Variants in RNGTT observed in about 807,000 individuals in gnomAD.
RNGTT encodes the protein mRNA-capping enzyme.
A neutral mutation model predicts 79.3 loss-of-function variants in RNGTT; 33 were observed. That is an observed-to-expected ratio of 0.42 (90% CI 0.32 to 0.56). The LOEUF is 0.56. Among genes scored for constraint, RNGTT ranks in the 20% least tolerant of loss-of-function variants. RNGTT has a pLI of 0.17. For synonymous variants in RNGTT, 222 were observed against 235.9 expected, an observed-to-expected ratio of 0.94 and a Z score of 0.54; for missense variants, 497 against 739.1, an observed-to-expected ratio of 0.67 and a Z score of 3.80.
intron 1 of RNGTT, among the ~76,000 whole-genome samples, chr6:88,943,146 C>T (rs1784902531): frequency 6.6e-6 from 1 of 152,150 alleles, no homozygotes; most frequent in African/African-American, 2.4e-5. Context: ...ATTTCCAGTT[C>T]AAATCACTCC....
intron 14 of RNGTT, among the ~76,000 whole-genome samples, chr6:88,626,228 T>C (rs1334114269): frequency 6.6e-6 from 1 of 152,032 alleles, no homozygotes; most frequent in Non-Finnish European, 1.5e-5. Flanking sequence ...ATGTAGAAGC[T>C]GAAGCCAGAG....
chr6:88,809,887 A>G (rs1356005774), intron 11 of RNGTT, among the ~76,000 whole-genome samples: 1 of 152,080 alleles, frequency 6.6e-6, no homozygotes, highest in African/African-American at 2.4e-5. Flanking sequence ...TGTCTCTACA[A>G]AAAATTTAAA....
chr6:88,785,436 T>C (rs1042454393), intron 12 of RNGTT, among the ~76,000 whole-genome samples: 1 of 152,136 alleles, frequency 6.6e-6, no homozygotes, highest in African/African-American at 2.4e-5. Flanking sequence ...TTGCTTTTTC[T>C]TCCTTACACA....
chr6:88,733,683 G>C (rs1289603246), intron 13 of RNGTT, among the ~76,000 whole-genome samples: 1 of 151,700 alleles, frequency 6.6e-6, no homozygotes, highest in Non-Finnish European at 1.5e-5. Flanking sequence ...CAAAGACAAA[G>C]AGAAAACCTT....
chr6:88,940,748 A>T (rs183160396), intron 2 of RNGTT, among the ~76,000 whole-genome samples: 110 of 152,292 alleles, frequency 7.2e-4, no homozygotes, highest in Non-Finnish European at 1.1e-3. Context: ...TATAATCACT[A>T]CCATGAATTT....
chr6:88,890,065 G>A (rs1044315324), intron 8 of RNGTT, among the ~76,000 whole-genome samples: 1 of 152,222 alleles, frequency 6.6e-6, no homozygotes, highest in South Asian at 2.1e-4. Flanking sequence ...AGTATATAAA[G>A]AGAATAAGGC....
intron 13 of RNGTT, among the ~76,000 whole-genome samples, chr6:88,725,311 T>C (rs1335246562): frequency 6.6e-6 from 1 of 152,166 alleles, no homozygotes; most frequent in Non-Finnish European, 1.5e-5. Context: ...TAAAGGATCC[T>C]CATATACTGC....
intron 11 of RNGTT, 62 bp from the exon 12 acceptor site, chr6:88,801,694 C>T: frequency 9.0e-7 from 1 of 1,116,492 alleles, no homozygotes. Context: ...AGTATTTAAA[C>T]TTCTTGCTAA....
At chr6:88,800,479 A>AT (rs1292134606) in intron 12 of RNGTT, among the ~76,000 whole-genome samples, 3 of 152,300 alleles carry the variant, frequency 2.0e-5, no homozygotes, top group Non-Finnish European at 2.9e-5. Context: ...ATGTCTCCAT[A>AT]TATAAATTCT....
At chr6:88,881,140 C>G (rs1480021944) in intron 8 of RNGTT, among the ~76,000 whole-genome samples, 2 of 152,098 alleles carry the variant, frequency 1.3e-5, no homozygotes, top group African/African-American at 4.8e-5. Flanking sequence ...TAGGGAATGT[C>G]AGAAATTCAA....
intron 14 of RNGTT, among the ~76,000 whole-genome samples, chr6:88,628,439 T>C (rs917383808): frequency 2.0e-5 from 3 of 152,158 alleles, no homozygotes; most frequent in African/African-American, 4.8e-5. Flanking sequence ...CTGTATTAAT[T>C]GGTGTGTATG....
At chr6:88,799,265 C>A (rs953989816) in intron 12 of RNGTT, among the ~76,000 whole-genome samples, 2 of 152,044 alleles carry the variant, frequency 1.3e-5, no homozygotes, top group African/African-American at 4.8e-5. Flanking sequence ...AAACTCCTAA[C>A]AAAAATTTCT....
chr6:88,893,656 G>A (rs1055886942), intron 6 of RNGTT, among the ~76,000 whole-genome samples: 1 of 152,034 alleles, frequency 6.6e-6, no homozygotes, highest in African/African-American at 2.4e-5. Flanking sequence ...AACAACTACT[G>A]AGTCTGGTTA....
chr6:88,946,951 T>C (rs1257245408), intron 1 of RNGTT, among the ~76,000 whole-genome samples: 13 of 101,936 alleles, frequency 1.3e-4, no homozygotes, highest in Admixed American at 1.1e-3. Flanking sequence ...CAGTGCTCAA[T>C]GGTGCCCAGG....
chr6:88,679,569 G>C (rs1389265326), intron 13 of RNGTT, among the ~76,000 whole-genome samples: 1 of 152,102 alleles, frequency 6.6e-6, no homozygotes, highest in East Asian at 1.9e-4. Context: ...AAACCAAATA[G>C]AGGTCTAATA....
chr6:88,719,215 A>G (rs1776624415), intron 13 of RNGTT, among the ~76,000 whole-genome samples: 1 of 152,172 alleles, frequency 6.6e-6, no homozygotes, highest in Non-Finnish European at 1.5e-5. Context: ...ATAAATGCTT[A>G]CTTAATGAAG....
intron 8 of RNGTT, among the ~76,000 whole-genome samples, chr6:88,858,503 A>T (rs1016243169): frequency 1.3e-5 from 2 of 151,864 alleles, no homozygotes; most frequent in African/African-American, 4.9e-5. Flanking sequence ...GAATTCATGC[A>T]TAGCTGATAA....
In RNGTT at chr6:88,949,159, GAAAAAAAAA is replaced by G; in HGVS notation, c.65-7988_65-7980del. 4.0e-3 allele frequency among the ~76,000 whole-genome samples: 204 copies of G among 50,522 alleles called. 1 individual carries two copies. Among genetic ancestry groups the G allele is most frequent in the African/African-American group, 0.015 (186 of 12,626 alleles). 33.1% of individuals were successfully genotyped at this position (50,522 alleles called of 152,430 possible). A position where few individuals can be genotyped will look rare whatever the true frequency, so the allele number is the denominator to read the frequency against. On this transcript the variant is annotated intron_variant, in intron 1 of 15. Transcript: ENST00000369485. ...AATAAAAAATAAAATAAAATAAAAT[GAAAAAAAAA>G]AAAAAAAAAAGAAAATGAAAAGCTC...
chr6:88,903,719 T>G (rs1465627923), intron 6 of RNGTT, among the ~76,000 whole-genome samples: 1 of 152,222 alleles, frequency 6.6e-6, no homozygotes, highest in East Asian at 1.9e-4. Context: ...GAACCATGCC[T>G]ACTAATAAAT....
Sources: gnomAD v4.1 joint callset for allele counts (sites outside exome capture counted in the v4.1 genomes callset) on GRCh38, gnomAD v4.1.1 for gene constraint, MANE v1.5 for transcripts, NCBI Gene and HGNC (gene_info 2026-07-23, HGNC 2026-07-21) for gene names.